Variants in CPEB3 observed in about 807,000 individuals in gnomAD.
CPEB3 encodes the protein cytoplasmic polyadenylation element-binding protein 3.
In CPEB3, 20 loss-of-function variants were observed where a neutral mutation model predicts 67.2. That is an observed-to-expected ratio of 0.30 (90% CI 0.21 to 0.43). The LOEUF is 0.43. CPEB3 is among the 20% of genes least tolerant of loss of function. The pLI is 1.00. For synonymous variants in CPEB3, 376 were observed against 393.1 expected, an observed-to-expected ratio of 0.96 and a Z score of 0.51; for missense variants, 746 against 968.6, an observed-to-expected ratio of 0.77 and a Z score of 3.05.
At chr10:92,198,501 T>C (rs1849347909) in intron 2 of CPEB3, among the ~76,000 whole-genome samples, 1 of 152,196 alleles carries the variant, frequency 6.6e-6, no homozygotes, top group African/African-American at 2.4e-5. Flanking sequence ...TGCCCTTTTC[T>C]TGGAAGAGGA....
intron 6 of CPEB3, among the ~76,000 whole-genome samples, chr10:92,117,572 C>T (rs565793122): frequency 1.3e-4 from 19 of 151,682 alleles, no homozygotes; most frequent in Non-Finnish European, 2.2e-4. Flanking sequence ...CCTCATGATC[C>T]GCCCACCTCA....
chr10:92,115,525 G>A (rs945073087), intron 6 of CPEB3, among the ~76,000 whole-genome samples: 1 of 152,174 alleles, frequency 6.6e-6, no homozygotes, highest in Non-Finnish European at 1.5e-5. Flanking sequence ...GGTGCTAATT[G>A]GGCGGAAAAG....
chr10:92,048,808 G>GT lies in CPEB3; in HGVS notation c.*3403dup, dbSNP rs1215431096. ...ACACTTTAGTAACAATATTACAAAG[G>GT]TTTTAGCTTCAAAAATAACTGAAAA... On this transcript the variant is annotated 3_prime_UTR_variant, in exon 10 of 10. Coordinates refer to ENST00000265997, the MANE Select transcript of CPEB3 (RefSeq NM_014912.5). This position sits in a 1 kb window ranked among gnomAD's most constrained non-coding sequence, Gnocchi z 4.1. 12 of 152,278 alleles carry GT rather than the reference G, an allele frequency of 7.9e-5. No homozygotes were observed. The highest frequency in any genetic ancestry group is 2.9e-4 in the African/African-American group (12 of 41,332). The allele number at this position is 152,278 out of a possible 1,614,324, so 9.4% of individuals were successfully genotyped here. A position where few individuals can be genotyped will look rare whatever the true frequency, so the allele number is the denominator to read the frequency against.
At chr10:92,185,932 CCAATAATCA>C (rs1198973504) in intron 3 of CPEB3, among the ~76,000 whole-genome samples, 15 of 152,090 alleles carry the variant, frequency 9.9e-5, no homozygotes, top group South Asian at 2.1e-4. Context: ...TTCCAAATAA[CCAATAATCA>C]AAACCTGTGA....
At chr10:92,074,809 C>T (rs564480550) in intron 9 of CPEB3, among the ~76,000 whole-genome samples, 1 of 152,268 alleles carries the variant, frequency 6.6e-6, no homozygotes, top group African/African-American at 2.4e-5. Context: ...AAAGCTCGCT[C>T]TCGTTGCTGT....
Position 92,145,039 on chromosome 10 carries a change from G to C in CPEB3, c.1269C>G (p.Gly423=). The change falls in exon 5 of 10, where the codon GGC becomes GGG. Residue 423 remains glycine, a synonymous_variant. Transcript: ENST00000265997. ...DSHGDQALSS[G]LSSPTRCQNG... ...TTTGACAGCGAGTGGGAGAACTTAA[G>C]CCAGATGACAAGGCTTGATCACCAT... 4 of 1,614,028 alleles carry C rather than the reference G, an allele frequency of 2.5e-6. No homozygotes were observed. Among genetic ancestry groups the C allele is most frequent in the Non-Finnish European group, 3.4e-6 (4 of 1,179,898 alleles).
At chr10:92,223,001 A>G (rs1850776150) in intron 2 of CPEB3, among the ~76,000 whole-genome samples, 1 of 152,216 alleles carries the variant, frequency 6.6e-6, no homozygotes, top group Non-Finnish European at 1.5e-5. Context: ...CAACTTAAAT[A>G]AAAGGATGGC....
At chr10:92,268,077 A>C (rs952074306) in intron 1 of CPEB3, among the ~76,000 whole-genome samples, 3 of 152,160 alleles carry the variant, frequency 2.0e-5, no homozygotes, top group Admixed American at 6.6e-5. Context: ...CAGCCTCCCA[A>C]AGTGCTGGGA....
chr10:92,183,422 T>C (rs1365053900), intron 3 of CPEB3, among the ~76,000 whole-genome samples: 1 of 152,228 alleles, frequency 6.6e-6, no homozygotes, highest in Admixed American at 6.5e-5. Context: ...GGAAAAACTG[T>C]CACCAGAACA....
At chr10:92,149,645 A>C (rs1846864327) in intron 4 of CPEB3, among the ~76,000 whole-genome samples, 1 of 152,198 alleles carries the variant, frequency 6.6e-6, no homozygotes, top group African/African-American at 2.4e-5. Flanking sequence ...CTGTCTTATT[A>C]TTAGTATTTA....
intron 7 of CPEB3, among the ~76,000 whole-genome samples, chr10:92,102,256 C>T (rs76176398): frequency 6.6e-6 from 1 of 152,150 alleles, no homozygotes; most frequent in African/African-American, 2.4e-5. Flanking sequence ...TTCAGTCAGA[C>T]CTCCGTCAGG....
At chr10:92,112,410 G>T (rs932342838) in intron 6 of CPEB3, among the ~76,000 whole-genome samples, 1 of 152,120 alleles carries the variant, frequency 6.6e-6, no homozygotes, top group African/African-American at 2.4e-5. Context: ...CTCCCAAAGT[G>T]CTGGGATTAC....
intron 2 of CPEB3, among the ~76,000 whole-genome samples, chr10:92,196,839 G>C (rs1849263450): frequency 6.6e-6 from 1 of 151,772 alleles, no homozygotes; most frequent in East Asian, 1.9e-4. Context: ...GGCTGAGGCA[G>C]GAGAATCACT....
rs185005230 is a variant in CPEB3, at chr10:92,047,437, G to A, written c.*4775C>T. 2 of 152,276 alleles carry A rather than the reference G, an allele frequency of 1.3e-5. No individual in the cohort carries two copies. The highest frequency in any genetic ancestry group is 2.9e-5 in the Non-Finnish European group (2 of 68,024). The allele number at this position is 152,276 out of a possible 1,614,324, so 9.4% of individuals were successfully genotyped here. On this transcript the variant is annotated 3_prime_UTR_variant, in exon 10 of 10. Transcript: ENST00000265997. Reference sequence around the variant, plus strand: ...ACAATACTCAAATATTTAGGTAGGAGCTTTACCCAGTTAAATGCCATTTTT... The same window carrying A: ...ACAATACTCAAATATTTAGGTAGGAACTTTACCCAGTTAAATGCCATTTTT...
At position 92,050,651 on chromosome 10, in the gene CPEB3, A is replaced by G. The variant is rs1017235762; in HGVS notation, c.*1561T>C. On this transcript the variant is annotated 3_prime_UTR_variant, in exon 10 of 10. Transcript: ENST00000265997. ...ATTCTACTCAAGCTTAACAGGATAA[A>G]TCCAGGGAATTAAGTAGTTAGTTTC... The G allele has an allele frequency of 6.6e-6, 1 of 152,328 alleles. No individual in the cohort carries two copies. Among genetic ancestry groups the G allele is most frequent in the African/African-American group, 2.4e-5 (1 of 41,448 alleles). 9.4% of individuals were successfully genotyped at this position (152,328 alleles called of 1,614,324 possible).
At chr10:92,260,248 T>C (rs1852730580) in intron 1 of CPEB3, among the ~76,000 whole-genome samples, 4 of 152,084 alleles carry the variant, frequency 2.6e-5, no homozygotes, top group Admixed American at 2.0e-4. Context: ...TACTGCAGGG[T>C]ATCCTAAAAT....
intron 5 of CPEB3, 96 bp downstream of exon 5, chr10:92,144,849 T>G: frequency 9.2e-7 from 1 of 1,084,942 alleles, no homozygotes; most frequent in South Asian, 1.4e-5. Flanking sequence ...CACTAAGATA[T>G]AGATGTCCTA....
intron 9 of CPEB3, among the ~76,000 whole-genome samples, chr10:92,053,584 C>A (rs868615965): frequency 4.9e-4 from 74 of 151,160 alleles, no homozygotes; most frequent in African/African-American, 1.7e-3. Context: ...CTCTGTCGCC[C>A]AGGCTGGAGT....
At chr10:92,230,077 A>C (rs965886532) in intron 2 of CPEB3, among the ~76,000 whole-genome samples, 2 of 152,190 alleles carry the variant, frequency 1.3e-5, no homozygotes, top group Non-Finnish European at 2.9e-5. Context: ...AGAATGGAGA[A>C]TCCGTCACAA....
Sources: gnomAD v4.1 joint callset for allele counts (sites outside exome capture counted in the v4.1 genomes callset) on GRCh38, gnomAD v4.1.1 for gene constraint, Gnocchi (gnomAD v3.1) non-coding constraint, MANE v1.5 for transcripts, NCBI Gene and HGNC (gene_info 2026-07-23, HGNC 2026-07-21) for gene names.